Variants in ZNF860 observed in about 807,000 individuals in gnomAD.
The protein encoded by ZNF860 is zinc finger protein 860.
For missense variants in ZNF860, 641 were observed against 759.2 expected (o/e 0.84, Z 1.83); for synonymous variants, 206 against 248.9 (o/e 0.83, Z 1.62).
chr3:32,005,884 C>T, the ZNF860 span, among the ~76,000 whole-genome samples: 1 of 151,932 alleles, frequency 6.6e-6, no homozygotes, highest in Non-Finnish European at 1.5e-5. Context: ...CCGTGCCCAG[C>T]CCAATGTTTT....
chr3:31,983,667 AC>A (rs1698894081), intron 1 of ZNF860, among the ~76,000 whole-genome samples: 1 of 152,086 alleles, frequency 6.6e-6, no homozygotes, highest in Admixed American at 6.6e-5. Context: ...TGCTCTCTTC[AC>A]CCGGTTTGTG....
chr3:31,989,087 G>T lies in ZNF860; in HGVS notation c.8G>T (p.Arg3Leu), dbSNP rs185860232. 1 of 1,614,136 alleles carries T rather than the reference G, an allele frequency of 6.2e-7. No individual in the cohort carries two copies. Among genetic ancestry groups the T allele is most frequent in the Non-Finnish European group, 8.5e-7 (1 of 1,180,006 alleles). ...ATTGATTTCTAAAGACTCATGTTAC[G>T]TGAGGAAGCAGCTCAGAAGAGGAAA... ML[R>L]EEAAQKRKEK... Residue 3 changes from arginine to leucine, a missense_variant, in exon 2 of 2, where the codon CGT (arginine) becomes CTT (leucine). By Grantham distance (102) the Arg-to-Leu change is moderately radical (BLOSUM62 -2). Coordinates refer to ENST00000360311, the MANE Select transcript of ZNF860 (RefSeq NM_001137674.3).
chr3:31,994,485 A>G (rs973622872), downstream of ZNF860, among the ~76,000 whole-genome samples: 2 of 145,220 alleles, frequency 1.4e-5, no homozygotes, highest in Admixed American at 7.0e-5. Context: ...TATGTCAGGG[A>G]AAAAAAGGAT....
chr3:32,005,395 C>T, the ZNF860 span, among the ~76,000 whole-genome samples: 1 of 152,078 alleles, frequency 6.6e-6, no homozygotes, highest in African/African-American at 2.4e-5. Context: ...CCTACTACCA[C>T]ATTAATCTGG....
At chr3:32,001,317 T>C in the ZNF860 span, among the ~76,000 whole-genome samples, 3 of 152,204 alleles carry the variant, frequency 2.0e-5, no homozygotes, top group African/African-American at 7.2e-5. Flanking sequence ...TATTAACCCC[T>C]ACAGTCTTGC....
rs2125518624 is a variant in ZNF860, at chr3:31,988,722, G to A, written c.-358G>A. ...CTCAGGCCACCAATGGATAGCCCAG[G>A]CAGGAGGCATGAAGGTGTGCCAGCC... On this transcript the variant is annotated 5_prime_UTR_variant, in exon 2 of 2. Transcript: ENST00000360311. 3.6e-6 allele frequency: 1 copy of A among 276,720 alleles called. No individual in the cohort carries two copies. Among genetic ancestry groups the A allele is most frequent in the Middle Eastern group, 1.2e-3 (1 of 810 alleles). 17.1% of individuals were successfully genotyped at this position (276,720 alleles called of 1,614,324 possible).
At position 31,990,242 on chromosome 3, in the gene ZNF860, A is replaced by G; in HGVS notation, c.1163A>G (p.His388Arg). Residue 388 changes from histidine to arginine, a missense_variant, in exon 2 of 2, where the codon CAT becomes CGT. Physicochemically the swap from His to Arg is conservative, Grantham distance 29. Transcript: ENST00000360311. ...AFSGQSTLIH[H>R]QAIHGIGKLY... ...AGTGGGCAGTCAACACTTATTCACC[A>G]TCAAGCAATCCATGGTATAGGGAAA... 3.1e-6 allele frequency: 5 copies of G among 1,614,114 alleles called. No individual in the cohort carries two copies. Among genetic ancestry groups the G allele is most frequent in the South Asian group, 1.1e-5 (1 of 91,078 alleles).
At chr3:31,986,928 G>T (rs138403416) in intron 1 of ZNF860, among the ~76,000 whole-genome samples, 2 of 152,018 alleles carry the variant, frequency 1.3e-5, no homozygotes, top group East Asian at 3.9e-4. Flanking sequence ...GATTGCTTGC[G>T]CCCAGAAATT....
the ZNF860 span, among the ~76,000 whole-genome samples, chr3:32,000,808 C>T: frequency 2.0e-5 from 3 of 152,186 alleles, no homozygotes; most frequent in Admixed American, 2.0e-4. Context: ...TGCTCTTTGA[C>T]TCCGGCCATG....
the ZNF860 span, among the ~76,000 whole-genome samples, chr3:32,001,339 T>C: frequency 9.8e-5 from 15 of 152,324 alleles, no homozygotes; most frequent in African/African-American, 3.4e-4. Flanking sequence ...GATCTGTTGG[T>C]GTATTCTGTC....
chr3:31,993,615 T>C (rs937773404), downstream of ZNF860, among the ~76,000 whole-genome samples: 2 of 151,998 alleles, frequency 1.3e-5, no homozygotes, highest in Admixed American at 1.3e-4. Flanking sequence ...TACTAGTCAT[T>C]AGGGAAATAC....
Position 31,990,784 on chromosome 3 carries a change from G to C in ZNF860, c.1705G>C (p.Asp569His), listed in dbSNP as rs1699018340. ...TACTGGAGAGAAACCTTACAAATGT[G>C]ATGATTTTGACGAGGCCTTCAGTCA... Reference protein sequence around the residue: ...IHTGEKPYKCDDFDEAFSQAS... With the variant: ...IHTGEKPYKCHDFDEAFSQAS... The change falls in exon 2 of 2, where the codon GAT becomes CAT. Residue 569 changes from aspartate to histidine, a missense_variant. Asp to His is a moderately conservative substitution (Grantham distance 81). Transcript: ENST00000360311. The C allele has an allele frequency of 3.1e-6, 5 of 1,612,368 alleles. No individual in the cohort carries two copies. Among genetic ancestry groups the C allele is most frequent in the Non-Finnish European group, 3.4e-6 (4 of 1,179,116 alleles).
In ZNF860 at chr3:31,990,958, C is replaced by A; in HGVS notation, c.1879C>A (p.Arg627Ser). The A allele has an allele frequency of 6.4e-7, 1 of 1,573,866 alleles. No individual in the cohort carries two copies. The highest frequency in any genetic ancestry group is 1.2e-5 in the South Asian group (1 of 85,930). Residue 627 changes from arginine (R) to serine (S), a missense_variant, in exon 2 of 2, where the codon CGT becomes AGT. Coordinates refer to ENST00000360311, the MANE Select transcript of ZNF860 (RefSeq NM_001137674.3). ...TGQKSYKCHK[R>S]GKVFS ...ACAGAAATCTTACAAATGTCATAAG[C>A]GTGGCAAGGTCTTCAGTTAGAGGTC...
In ZNF860 at chr3:31,991,135, A is replaced by G; in HGVS notation, c.*157A>G. ...TGACATTGAGTTCAAGCATTAATTG[A>G]CATTAAAGTGTTTACGTTAAGAGGA... On this transcript the variant is annotated 3_prime_UTR_variant, in exon 2 of 2. Transcript: ENST00000360311. 2.6e-6 allele frequency: 2 copies of G among 781,986 alleles called. No individual in the cohort carries two copies. Among genetic ancestry groups the G allele is most frequent in the Non-Finnish European group, 4.1e-6 (2 of 487,494 alleles). 48.4% of individuals were successfully genotyped at this position (781,986 alleles called of 1,614,324 possible).
chr3:31,990,352 T>C lies in ZNF860; in HGVS notation c.1273T>C (p.Ser425Pro). The change falls in exon 2 of 2, where the codon TCT becomes CCT. Residue 425 changes from serine to proline, a missense_variant. Ser to Pro is a moderately conservative substitution (Grantham distance 74). Coordinates refer to ENST00000360311, the MANE Select transcript of ZNF860 (RefSeq NM_001137674.3). ...TTGGAGAATCCATAATGAAGAGAGATCTTACAAGTGTAATAAATGTGGCAA... is the reference window on the plus strand; with the variant it reads ...TTGGAGAATCCATAATGAAGAGAGACCTTACAAGTGTAATAAATGTGGCAA... Reference protein sequence around the residue: ...NHWRIHNEERSYKCNKCGKFF... With the variant: ...NHWRIHNEERPYKCNKCGKFF... The C allele has an allele frequency of 6.2e-7, 1 of 1,614,032 alleles. No homozygotes were observed.
rs1415876558 is a variant in ZNF860, at chr3:31,989,146, C to A, written c.67C>A (p.His23Asn). 6.2e-7 allele frequency: 1 copy of A among 1,613,996 alleles called. No individual in the cohort carries two copies. The highest frequency in any genetic ancestry group is 1.7e-5 in the Admixed American group (1 of 59,996). ...KEPGMALPQG[H>N]LTFRDVAIEF... is the part of the protein sequence containing the mutation. Reference sequence around the variant, plus strand: ...GCCAGGCATGGCTCTTCCTCAGGGACACTTGACTTTTAGGGATGTGGCTAT... The same window carrying A: ...GCCAGGCATGGCTCTTCCTCAGGGAAACTTGACTTTTAGGGATGTGGCTAT... The change falls in exon 2 of 2, where the codon CAC (histidine) becomes AAC (asparagine). Residue 23 changes from histidine to asparagine, a missense_variant. Coordinates refer to ENST00000360311, the MANE Select transcript of ZNF860 (RefSeq NM_001137674.3).
chr3:31,996,651 T>C (rs955930380), downstream of ZNF860, among the ~76,000 whole-genome samples: 2 of 152,202 alleles, frequency 1.3e-5, no homozygotes, highest in African/African-American at 4.8e-5. Context: ...AGAAAGAAGC[T>C]GTTGCCGGGT....
chr3:31,989,504 A>C lies in ZNF860; in HGVS notation c.425A>C (p.Asp142Ala). The change falls in exon 2 of 2, where the codon GAT (aspartate) becomes GCT (alanine). Residue 142 changes from aspartate (D) to alanine (A), a missense_variant. By Grantham distance (126) the Asp-to-Ala change is moderately radical (BLOSUM62 -2). Coordinates refer to ENST00000360311, the MANE Select transcript of ZNF860 (RefSeq NM_001137674.3). ...KKLTGSTDRY[D>A]RRHPGNKPIK... The stretch of plus-strand genomic sequence containing the variant: ...TTGACTGGTAGCACCGACAGATATG[A>C]TCGAAGGCATCCTGGAAACAAGCCT... The C allele has an allele frequency of 1.2e-6, 2 of 1,614,210 alleles. No homozygotes were observed. Among genetic ancestry groups the C allele is most frequent in the South Asian group, 2.2e-5 (2 of 91,086 alleles).
downstream of ZNF860, among the ~76,000 whole-genome samples, chr3:31,993,477 G>A (rs1418725756): frequency 6.6e-6 from 1 of 152,044 alleles, no homozygotes; most frequent in Non-Finnish European, 1.5e-5. Flanking sequence ...CAAAGTGCTG[G>A]GATTACAGGC....
Sources: gnomAD v4.1 joint callset for allele counts (sites outside exome capture counted in the v4.1 genomes callset) on GRCh38, gnomAD v4.1.1 for gene constraint, MANE v1.5 for transcripts, NCBI Gene and HGNC (gene_info 2026-07-23, HGNC 2026-07-21) for gene names.